Variants in SLC1A4 observed in about 807,000 individuals in gnomAD.
SLC1A4 encodes neutral amino acid transporter A.
A neutral mutation model predicts 37.7 loss-of-function variants in SLC1A4; 19 were observed. The ratio of observed to expected loss-of-function variants is 0.50; its 90% CI spans 0.35 to 0.74. SLC1A4 has a LOEUF of 0.74. Ranked by LOEUF, SLC1A4 falls within the 30% of genes least tolerant of loss-of-function variation. SLC1A4 has a pLI of 0.01. For synonymous variants in SLC1A4, 299 were observed against 309.8 expected (o/e 0.97, Z 0.37); for missense variants, 570 against 712.9 (o/e 0.80, Z 2.28).
rs746712622 is a variant in SLC1A4, at chr2:64,989,659, G to A, written c.16G>A (p.Glu6Lys). ...GTGTAGCGCCATGGAGAAGAGCAAC[G>A]AGACCAACGGCTACCTTGACAGCGC... MEKSN[E>K]TNGYLDSAQA... The change falls in exon 1 of 8, where the codon GAG (glutamate) becomes AAG (lysine). Residue 6 changes from glutamate (E) to lysine (K), a missense_variant. By Grantham distance (56) the Glu-to-Lys change is moderately conservative. Coordinates refer to ENST00000234256, the MANE Select transcript of SLC1A4 (RefSeq NM_003038.5). The A allele has an allele frequency of 9.1e-6, 14 of 1,537,024 alleles. No homozygotes were observed. Among genetic ancestry groups the A allele is most frequent in the South Asian group, 4.8e-5 (4 of 82,632 alleles).
At position 65,016,657 on chromosome 2, in the gene SLC1A4, T is replaced by A. The variant is rs1674150281; in HGVS notation, c.1018T>A (p.Phe340Ile). ...LGLLAPFATA[F>I]ATCSSSATLP... ...CCTCCTCGCCCCATTTGCGACAGCA[T>A]TTGCTACCTGCTCCAGGTGAGTGGG... Residue 340 changes from phenylalanine (F) to isoleucine (I), a missense_variant, in exon 5 of 8, where the codon TTT (phenylalanine) becomes ATT (isoleucine). Transcript: ENST00000234256. The A allele has an allele frequency of 6.2e-7, 1 of 1,613,800 alleles. No individual in the cohort carries two copies. The highest frequency in any genetic ancestry group is 8.5e-7 in the Non-Finnish European group (1 of 1,179,782).
At chr2:65,017,997 G>C in intron 5 of SLC1A4, 74 bp from the exon 6 acceptor site, 1 of 1,317,458 alleles carries the variant, frequency 7.6e-7, no homozygotes, top group Non-Finnish European at 1.1e-6. Context: ...TCTGTTCTGG[G>C]GTCTGAGACA....
chr2:65,021,266 C>T lies in SLC1A4; in HGVS notation c.*120C>T, dbSNP rs935727896. On this transcript the variant is annotated 3_prime_UTR_variant, in exon 8 of 8. Transcript: ENST00000234256. The stretch of plus-strand genomic sequence containing the variant: ...TTTACCCTCCCAAGCAATGCTTTGG[C>T]CCAGTCGCTGGCCTGAGGCTTACCT... 20 of 771,026 alleles carry T rather than the reference C, an allele frequency of 2.6e-5. No homozygotes were observed. The highest frequency in any genetic ancestry group is 3.8e-5 in the Non-Finnish European group (18 of 478,050). The allele number at this position is 771,026 out of a possible 1,614,324, so 47.8% of individuals were successfully genotyped here. A position where few individuals can be genotyped will look rare whatever the true frequency, so the allele number is the denominator to read the frequency against.
chr2:65,020,166 G>A (rs1048119066), intron 7 of SLC1A4, among the ~76,000 whole-genome samples: 6 of 152,188 alleles, frequency 3.9e-5, no homozygotes, highest in African/African-American at 1.4e-4. Flanking sequence ...GTAAAGTAGC[G>A]TTGAAATGAG....
intron 1 of SLC1A4, chr2:64,999,834 A>G (rs756096807): frequency 2.0e-5 from 3 of 151,916 alleles, no homozygotes; most frequent in African/African-American, 4.8e-5. Flanking sequence ...AGCTAGCACA[A>G]TGGAAGCTAC....
At chr2:64,998,304 C>T (rs907143207) in intron 1 of SLC1A4, among the ~76,000 whole-genome samples, 12 of 151,242 alleles carry the variant, frequency 7.9e-5, no homozygotes, top group African/African-American at 2.9e-4. Flanking sequence ...ACCTGTAGTC[C>T]CAACTATTCG....
At chr2:64,999,150 A>C (rs1673372039) in intron 1 of SLC1A4, among the ~76,000 whole-genome samples, 2 of 152,264 alleles carry the variant, frequency 1.3e-5, no homozygotes, top group African/African-American at 4.8e-5. Flanking sequence ...TATACTCCGA[A>C]AACTAGCCAA....
Position 64,989,818 on chromosome 2 carries a change from G to T in SLC1A4, c.175G>T (p.Gly59Cys). The change falls in exon 1 of 8, where the codon GGC (glycine) becomes TGC (cysteine). Residue 59 changes from glycine (G) to cysteine (C), a missense_variant. Coordinates refer to ENST00000234256, the MANE Select transcript of SLC1A4 (RefSeq NM_003038.5). ...CGGGGTGCTGGCGGGCGCGGGCCTG[G>T]GCGCGGCGTTGCGCGGGCTCAGCCT... ...VSGVLAGAGL[G>C]AALRGLSLSR... 6.5e-7 allele frequency: 1 copy of T among 1,533,084 alleles called. No individual in the cohort carries two copies. Among genetic ancestry groups the T allele is most frequent in the South Asian group, 1.2e-5 (1 of 83,388 alleles). 95.0% of individuals were successfully genotyped at this position (1,533,084 alleles called of 1,614,324 possible). A position where few individuals can be genotyped will look rare whatever the true frequency, so the allele number is the denominator to read the frequency against.
At chr2:64,998,497 C>A (rs572995812) in intron 1 of SLC1A4, among the ~76,000 whole-genome samples, 1 of 151,856 alleles carries the variant, frequency 6.6e-6, no homozygotes, top group African/African-American at 2.4e-5. Context: ...CAGAAACTGT[C>A]AAAACACATC....
rs761097684 is a variant in SLC1A4, at chr2:65,018,064, T to C, written c.1035-7T>C. On this transcript the variant is annotated splice_region_variant and splice_polypyrimidine_tract_variant and intron_variant, in intron 5 of 7. Coordinates refer to ENST00000234256, the MANE Select transcript of SLC1A4 (RefSeq NM_003038.5). This position sits in a 1 kb window ranked among gnomAD's most constrained non-coding sequence, Gnocchi z 4.3. The stretch of plus-strand genomic sequence containing the variant: ...CATGTCTGGCGGTTTGTTTTTCCCA[T>C]TTCTAGCTCAGCGACCCTTCCCTCT... 1.9e-6 allele frequency: 3 copies of C among 1,611,194 alleles called. No individual in the cohort carries two copies. The highest frequency in any genetic ancestry group is 2.5e-6 in the Non-Finnish European group (3 of 1,177,786).
chr2:65,020,787 G>C, intron 7 of SLC1A4, 125 bp from the exon 8 acceptor site: 1 of 722,450 alleles, frequency 1.4e-6, no homozygotes, highest in Non-Finnish European at 2.5e-6. Context: ...TGCCTTAGAA[G>C]CATGCTCTCC....
At chr2:64,992,258 G>A (rs1673087180) in intron 1 of SLC1A4, among the ~76,000 whole-genome samples, 1 of 152,222 alleles carries the variant, frequency 6.6e-6, no homozygotes, top group Non-Finnish European at 1.5e-5. Flanking sequence ...CTCCAGAAGA[G>A]GGGGCAGTGG....
chr2:65,003,892 T>C, intron 2 of SLC1A4, 61 bp from the exon 3 acceptor site: 1 of 1,275,850 alleles, frequency 7.8e-7, no homozygotes, highest in East Asian at 2.3e-5. Flanking sequence ...TGCCCTTGGT[T>C]CCTCTAGGTC....
chr2:64,989,607 C>G lies in SLC1A4; in HGVS notation c.-37C>G, dbSNP rs1052299549. The G allele has an allele frequency of 1.2e-5, 18 of 1,446,118 alleles. No individual in the cohort carries two copies. The highest frequency in any genetic ancestry group is 8.8e-5 in the Admixed American group (3 of 33,902). 89.6% of individuals were successfully genotyped at this position (1,446,118 alleles called of 1,614,324 possible). Reference sequence around the variant, plus strand: ...CCCCGTCTTTTGCCAGAGCCCACGTCCCCTGCCACCTCTAGCTCGGAGCGG... The same window carrying G: ...CCCCGTCTTTTGCCAGAGCCCACGTGCCCTGCCACCTCTAGCTCGGAGCGG... On this transcript the variant is annotated 5_prime_UTR_variant, in exon 1 of 8. Transcript: ENST00000234256.
At position 65,018,569 on chromosome 2, in the gene SLC1A4, T is replaced by C; in HGVS notation, c.1254T>C (p.Val418=). ...TILVTATASS[V]GAAGVPAGGV... The stretch of plus-strand genomic sequence containing the variant: ...GAGTGACTGCCACAGCGTCCAGTGT[T>C]GGAGCAGCAGGCGTGCCAGCTGGAG... Residue 418 remains valine (V), a synonymous_variant, in exon 7 of 8, where the codon GTT becomes GTC. Transcript: ENST00000234256. This position sits in a 1 kb window ranked among gnomAD's most constrained non-coding sequence, Gnocchi z 4.3. 1 of 1,614,224 alleles carries C rather than the reference T, an allele frequency of 6.2e-7. No individual in the cohort carries two copies. Among genetic ancestry groups the C allele is most frequent in the East Asian group, 2.2e-5 (1 of 44,878 alleles).
rs75008560 is a variant in SLC1A4 at position 65,020,167 on chromosome 2, T to C, written c.1365-745T>C. 9.5e-3 allele frequency among the ~76,000 whole-genome samples: 1,449 copies of C among 152,294 alleles called. 22 individuals carry two copies. The highest frequency in any genetic ancestry group is 0.033 in the African/African-American group (1,370 of 41,550). On this transcript the variant is annotated intron_variant, in intron 7 of 7. Coordinates refer to ENST00000234256, the MANE Select transcript of SLC1A4 (RefSeq NM_003038.5). ...GATTAACATCCGCAGTAAAGTAGCG[T>C]TGAAATGAGAAAAAGAAGGGAAACT... is the stretch of plus-strand genomic sequence containing the variant.
intron 1 of SLC1A4, among the ~76,000 whole-genome samples, chr2:64,997,633 C>T (rs1368409256): frequency 1.3e-5 from 2 of 152,184 alleles, no homozygotes; most frequent in Non-Finnish European, 2.9e-5. Flanking sequence ...CATGTTGTTG[C>T]GTATATCACT....
intron 1 of SLC1A4, among the ~76,000 whole-genome samples, chr2:64,992,903 T>G (rs772983680): frequency 6.6e-6 from 1 of 152,236 alleles, no homozygotes; most frequent in African/African-American, 2.4e-5. Flanking sequence ...GGTCTCAGGC[T>G]GAAGCAGCTT....
At chr2:65,002,616 T>C (rs111619223) in intron 2 of SLC1A4, among the ~76,000 whole-genome samples, 15,170 of 116,446 alleles carry the variant, frequency 0.13, 2,473 homozygotes, top group East Asian at 0.46. Flanking sequence ...CTCACTCTGT[T>C]GCCCAGGCTG....
Sources: gnomAD v4.1 joint callset for allele counts (sites outside exome capture counted in the v4.1 genomes callset) on GRCh38, gnomAD v4.1.1 for gene constraint, Gnocchi (gnomAD v3.1) non-coding constraint, MANE v1.5 for transcripts, NCBI Gene and HGNC (gene_info 2026-07-23, HGNC 2026-07-21) for gene names.